Variants in DSCAML1 observed in about 807,000 individuals in gnomAD.
The protein encoded by DSCAML1 is cell adhesion molecule DSCAML1.
Under a neutral mutation model 200.5 loss-of-function variants are expected in DSCAML1, and 38 were observed. The observed-to-expected ratio is 0.19, with a 90% CI of 0.15 to 0.25. The LOEUF (loss-of-function observed/expected upper bound fraction) is 0.25, where lower values mean the gene tolerates loss of function less well. Among genes scored for constraint, DSCAML1 ranks in the 10% least tolerant of loss-of-function variants. The pLI is 1.00. For missense variants in DSCAML1, 2,223 were observed against 2,858.8 expected (o/e 0.78, Z 5.07); for synonymous variants, 1,215 against 1,165.0 (o/e 1.04, Z -0.87).
intron 2 of DSCAML1, among the ~76,000 whole-genome samples, chr11:117,778,258 C>T (rs1418455559): frequency 6.6e-6 from 1 of 152,206 alleles, no homozygotes; most frequent in Non-Finnish European, 1.5e-5. Flanking sequence ...TGGTCCAGCC[C>T]TTCCAAAGGT....
chr11:117,575,273 G>A (rs1385109684), intron 3 of DSCAML1, among the ~76,000 whole-genome samples: 1 of 152,208 alleles, frequency 6.6e-6, no homozygotes, highest in Non-Finnish European at 1.5e-5. Context: ...GGCTCTGTTG[G>A]TAGAAACCAG....
At chr11:117,517,535 C>T (rs1317029165) in intron 7 of DSCAML1, among the ~76,000 whole-genome samples, 1 of 152,198 alleles carries the variant, frequency 6.6e-6, no homozygotes, top group Non-Finnish European at 1.5e-5. Context: ...GTCCCCCTTC[C>T]AATACAGAGG....
chr11:117,804,715 G>A (rs1286033234), intron 1 of DSCAML1, among the ~76,000 whole-genome samples: 1 of 152,132 alleles, frequency 6.6e-6, no homozygotes, highest in Admixed American at 6.5e-5. Flanking sequence ...AGGGTCACTT[G>A]AGCCCAGGAA....
At chr11:117,665,284 C>G (rs192092946) in intron 3 of DSCAML1, among the ~76,000 whole-genome samples, 2 of 152,330 alleles carry the variant, frequency 1.3e-5, no homozygotes, top group African/African-American at 4.8e-5. Context: ...TCGGCTCGTA[C>G]GAGCTGGGCA....
chr11:117,803,655 C>T (rs1335303016), intron 1 of DSCAML1, among the ~76,000 whole-genome samples: 1 of 152,156 alleles, frequency 6.6e-6, no homozygotes, highest in Non-Finnish European at 1.5e-5. Flanking sequence ...AGGAACTTTC[C>T]TTGGGTTACA....
At chr11:117,792,776 A>T (rs937789145) in intron 1 of DSCAML1, among the ~76,000 whole-genome samples, 2 of 151,918 alleles carry the variant, frequency 1.3e-5, no homozygotes, top group African/African-American at 4.8e-5. Flanking sequence ...CCCTCTCTTC[A>T]CCCTCTTCTT....
At chr11:117,573,328 C>T (rs1451933998) in intron 3 of DSCAML1, among the ~76,000 whole-genome samples, 8 of 152,196 alleles carry the variant, frequency 5.3e-5, no homozygotes, top group East Asian at 1.9e-4. Context: ...AATTAGATTC[C>T]AGTCTGGAAG....
chr11:117,623,206 C>A (rs797014825), intron 3 of DSCAML1, among the ~76,000 whole-genome samples: 1 of 112,882 alleles, frequency 8.9e-6, no homozygotes, highest in Non-Finnish European at 1.8e-5. Context: ...TTTCTTTTTT[C>A]TTTTCTTTTC....
At chr11:117,681,539 A>G (rs1269143931) in intron 3 of DSCAML1, among the ~76,000 whole-genome samples, 1 of 152,122 alleles carries the variant, frequency 6.6e-6, no homozygotes, top group African/African-American at 2.4e-5. Flanking sequence ...CAGGATTTCA[A>G]GTTGGAAAAA....
chr11:117,687,742 C>G (rs147910265), intron 3 of DSCAML1, among the ~76,000 whole-genome samples: 1 of 152,004 alleles, frequency 6.6e-6, no homozygotes, highest in Non-Finnish European at 1.5e-5. Flanking sequence ...AGTGTAGTCT[C>G]TCTAGGCTTT....
chr11:117,780,239 A>AG lies in DSCAML1; in HGVS notation c.364+253dup, dbSNP rs1186866446. ...AGAGAGAAAGAAAGAAAGGAAAGAA[A>AG]GAAAGAAAGAAAGAAAGAAAGAAAG... On this transcript the variant is annotated intron_variant, in intron 2 of 32. Transcript: ENST00000651296. This position sits in a 1 kb window ranked among gnomAD's most constrained non-coding sequence, Gnocchi z 4.8. Among the ~76,000 whole-genome samples the AG allele has an allele frequency of 0.071, 5,227 of 74,040 alleles. 146 individuals carry two copies. Among genetic ancestry groups the AG allele is most frequent in the Non-Finnish European group, 0.094 (3,319 of 35,470 alleles). 48.6% of individuals were successfully genotyped at this position (74,040 alleles called of 152,430 possible). A position where few individuals can be genotyped will look rare whatever the true frequency, so the allele number is the denominator to read the frequency against.
intron 4 of DSCAML1, among the ~76,000 whole-genome samples, chr11:117,528,933 C>T (rs1429103184): frequency 8.0e-6 from 1 of 124,500 alleles, no homozygotes; most frequent in Non-Finnish European, 1.6e-5. Flanking sequence ...CCGCCCCCCG[C>T]CCCCCCCCTT....
intron 3 of DSCAML1, among the ~76,000 whole-genome samples, chr11:117,598,269 T>C (rs1358376209): frequency 6.6e-6 from 1 of 152,234 alleles, no homozygotes; most frequent in African/African-American, 2.4e-5. Flanking sequence ...AATGAATTTG[T>C]ACAAGATAAA....
chr11:117,504,120 G>C lies in DSCAML1; in HGVS notation c.2183-99C>G. 7.1e-7 allele frequency: 1 copy of C among 1,413,414 alleles called. No homozygotes were observed. Among genetic ancestry groups the C allele is most frequent in the Non-Finnish European group, 9.7e-7 (1 of 1,031,066 alleles). 87.6% of individuals were successfully genotyped at this position (1,413,414 alleles called of 1,614,324 possible). On this transcript the variant is annotated intron_variant, in intron 10 of 32. Transcript: ENST00000651296. This position sits in a 1 kb window ranked among gnomAD's most constrained non-coding sequence, Gnocchi z 5.0. ...TGACACCTCGCTCTTGCAGATCTAG[G>C]GCCATTTTGTAGCAGAGCTGCACCA...
intron 3 of DSCAML1, among the ~76,000 whole-genome samples, chr11:117,621,805 C>G (rs2051939894): frequency 6.6e-6 from 1 of 152,064 alleles, no homozygotes; most frequent in Non-Finnish European, 1.5e-5. Flanking sequence ...AAAGGTGAAA[C>G]AAGACAACGT....
intron 3 of DSCAML1, among the ~76,000 whole-genome samples, chr11:117,589,630 C>A (rs1359192253): frequency 6.6e-6 from 1 of 152,196 alleles, no homozygotes; most frequent in Non-Finnish European, 1.5e-5. Context: ...TAACAACCTG[C>A]AGCATTAAGA....
chr11:117,657,489 A>G (rs1225685867), intron 3 of DSCAML1, among the ~76,000 whole-genome samples: 1 of 152,182 alleles, frequency 6.6e-6, no homozygotes, highest in East Asian at 1.9e-4. Flanking sequence ...TTTGTCAGAC[A>G]CTCATGTAAC....
chr11:117,462,419 G>A (rs879916456), intron 17 of DSCAML1, among the ~76,000 whole-genome samples: 2 of 152,150 alleles, frequency 1.3e-5, no homozygotes, highest in Admixed American at 6.5e-5. Flanking sequence ...ACCTCAGCTC[G>A]GGGGAGCTTT....
intron 3 of DSCAML1, among the ~76,000 whole-genome samples, chr11:117,773,910 C>T (rs1225978875): frequency 6.6e-6 from 1 of 152,118 alleles, no homozygotes; most frequent in Admixed American, 6.6e-5. Context: ...TTCTGCAAAA[C>T]CGAAGTTTAA....
Sources: gnomAD v4.1 joint callset for allele counts (sites outside exome capture counted in the v4.1 genomes callset) on GRCh38, gnomAD v4.1.1 for gene constraint, Gnocchi (gnomAD v3.1) non-coding constraint, MANE v1.5 for transcripts, NCBI Gene and HGNC (gene_info 2026-07-23, HGNC 2026-07-21) for gene names.